KLHL18: variants seen among roughly 807,000 people sequenced by gnomAD.
The protein encoded by KLHL18 is kelch like family member 18.
Under a neutral mutation model 58.5 loss-of-function variants are expected in KLHL18, and 38 were observed. That is an observed-to-expected ratio of 0.65 (90% confidence interval 0.50 to 0.85). KLHL18 has a LOEUF of 0.85. Among genes scored for constraint, KLHL18 ranks in the 40% least tolerant of loss-of-function variants. The pLI is 0.00. For synonymous variants in KLHL18, 303 were observed against 301.9 expected (o/e 1.00, Z -0.04); for missense variants, 624 against 778.4 (o/e 0.80, Z 2.36).
At chr3:47,285,746 CAAGTA>C (rs1702661122) in intron 1 of KLHL18, among the ~76,000 whole-genome samples, 1 of 151,774 alleles carries the variant, frequency 6.6e-6, no homozygotes, top group South Asian at 2.1e-4. Flanking sequence ...TTCAAAGGGA[CAAGTA>C]AATTATCAGA....
At chr3:47,303,307 A>G (rs546982090) in intron 1 of KLHL18, among the ~76,000 whole-genome samples, 1 of 152,250 alleles carries the variant, frequency 6.6e-6, no homozygotes, top group African/African-American at 2.4e-5. Flanking sequence ...TGAGCTTTAA[A>G]GGTCCTGTGA....
At chr3:47,340,718 C>T in intron 8 of KLHL18, 42 bp downstream of exon 8, 1 of 1,610,080 alleles carries the variant, frequency 6.2e-7, no homozygotes, top group Non-Finnish European at 8.5e-7. Flanking sequence ...AGCTTATAAA[C>T]AGAGAGTATA....
intron 4 of KLHL18, among the ~76,000 whole-genome samples, 156 bp downstream of exon 4, chr3:47,330,305 A>T (rs1703826296): frequency 6.6e-6 from 1 of 152,102 alleles, no homozygotes; most frequent in Non-Finnish European, 1.5e-5. Context: ...TGCATTTTTC[A>T]TGAAAACTTT....
At chr3:47,289,847 G>C (rs1702754554) in intron 1 of KLHL18, among the ~76,000 whole-genome samples, 1 of 152,154 alleles carries the variant, frequency 6.6e-6, no homozygotes. Flanking sequence ...GTGAATGCAT[G>C]GACATAGAGT....
chr3:47,307,577 A>G (rs1259756899), intron 1 of KLHL18, among the ~76,000 whole-genome samples: 1 of 151,180 alleles, frequency 6.6e-6, no homozygotes, highest in African/African-American at 2.4e-5. Flanking sequence ...AAAAATAGAG[A>G]CAAGGTCTTG....
chr3:47,333,418 T>C, intron 5 of KLHL18, 101 bp downstream of exon 5: 2 of 1,144,544 alleles, frequency 1.7e-6, no homozygotes, highest in Non-Finnish European at 2.4e-6. Context: ...TTTAGAGTGA[T>C]CAGTCTAATT....
chr3:47,319,749 C>T lies in KLHL18; in HGVS notation c.226C>T (p.Gln76Ter). The T allele has an allele frequency of 6.2e-7, 1 of 1,613,896 alleles. No individual in the cohort carries two copies. Among genetic ancestry groups the T allele is most frequent in the Non-Finnish European group, 8.5e-7 (1 of 1,179,846 alleles). The change falls in exon 2 of 10, where the codon CAG becomes TAG. Residue 76 changes from glutamine to a stop codon, truncating the protein, a stop_gained. Coordinates refer to ENST00000232766, the MANE Select transcript of KLHL18 (RefSeq NM_025010.5). LOFTEE classifies it high-confidence loss of function. The part of the protein sequence containing the change: ...MFTNDMMECK[Q>*]DEIVMQGMDP... ...TACAAATGACATGATGGAGTGCAAG[C>T]AGGATGAGATTGTAATGCAAGGAAT...
At chr3:47,305,343 T>TG (rs1703120902) in intron 1 of KLHL18, among the ~76,000 whole-genome samples, 7 of 149,132 alleles carry the variant, frequency 4.7e-5, no homozygotes, top group African/African-American at 1.7e-4. Flanking sequence ...AGTTTTTTTT[T>TG]TTTTTTTTTT....
Position 47,330,038 on chromosome 3 carries a change from C to T in KLHL18, c.489C>T (p.Ile163=), listed in dbSNP as rs772814802. Residue 163 remains isoleucine (I), a synonymous_variant, in exon 4 of 10, where the codon ATC becomes ATT. Transcript: ENST00000232766. Reference sequence around the variant, plus strand: ...TGTACGACGCTGCCAACAGCTTCATCCACCAGCACTTTGTGGAGGTGTCCA... The same window carrying T: ...TGTACGACGCTGCCAACAGCTTCATTCACCAGCACTTTGTGGAGGTGTCCA... ...AVLYDAANSF[I]HQHFVEVSMS... is the part of the protein sequence containing the mutation. 6.2e-7 allele frequency: 1 copy of T among 1,614,080 alleles called. No individual in the cohort carries two copies. Among genetic ancestry groups the T allele is most frequent in the Non-Finnish European group, 8.5e-7 (1 of 1,179,994 alleles).
chr3:47,311,376 G>A (rs1167363346), intron 1 of KLHL18, among the ~76,000 whole-genome samples: 1 of 152,058 alleles, frequency 6.6e-6, no homozygotes, highest in Non-Finnish European at 1.5e-5. Context: ...TTTACCAAAG[G>A]AATAGTATGT....
Position 47,334,534 on chromosome 3 carries a change from C to T in KLHL18, c.762-149C>T, listed in dbSNP as rs1274826660. 2.5e-6 allele frequency: 2 copies of T among 793,848 alleles called. No homozygotes were observed. The highest frequency in any genetic ancestry group is 2.0e-6 in the Non-Finnish European group (1 of 496,828). The allele number at this position is 793,848 out of a possible 1,614,324, so 49.2% of individuals were successfully genotyped here. On this transcript the variant is annotated intron_variant, in intron 5 of 9. Coordinates refer to ENST00000232766, the MANE Select transcript of KLHL18 (RefSeq NM_025010.5). The surrounding 1 kb of genome is among the most constrained non-coding windows in gnomAD (Gnocchi z 4.7). ...AGCCATGTATGATTTTCCCAGAACTCACCTGGTTTCTTTGAGACCAGACCT... is the reference window on the plus strand; with the variant it reads ...AGCCATGTATGATTTTCCCAGAACTTACCTGGTTTCTTTGAGACCAGACCT...
At chr3:47,315,371 T>C (rs1703396725) in intron 1 of KLHL18, among the ~76,000 whole-genome samples, 1 of 152,168 alleles carries the variant, frequency 6.6e-6, no homozygotes, top group Non-Finnish European at 1.5e-5. Flanking sequence ...TCTTAGATAC[T>C]GAACCAGAGG....
At chr3:47,328,813 G>A (rs1703784610) in intron 3 of KLHL18, among the ~76,000 whole-genome samples, 1 of 152,094 alleles carries the variant, frequency 6.6e-6, no homozygotes, top group Admixed American at 6.5e-5. Flanking sequence ...AGCTGCTGCT[G>A]TTGTTTCTGC....
intron 3 of KLHL18, among the ~76,000 whole-genome samples, chr3:47,329,155 G>A (rs200232503): frequency 6.6e-6 from 1 of 150,970 alleles, no homozygotes; most frequent in Non-Finnish European, 1.5e-5. Context: ...GAAAAAAAAA[G>A]ACAAGTATAA....
At chr3:47,303,106 G>T (rs1487947078) in intron 1 of KLHL18, among the ~76,000 whole-genome samples, 1 of 152,160 alleles carries the variant, frequency 6.6e-6, no homozygotes, top group Non-Finnish European at 1.5e-5. Flanking sequence ...ATCCCGTGAC[G>T]TCATGTACAA....
At position 47,342,847 on chromosome 3, in the gene KLHL18, C is replaced by T. The variant is rs1236412681; in HGVS notation, c.1338+17C>T. On this transcript the variant is annotated intron_variant, in intron 9 of 9. Coordinates refer to ENST00000232766, the MANE Select transcript of KLHL18 (RefSeq NM_025010.5). ...TTCAGCAGTGTGAGTCTGGGCTCCC[C>T]CTGGGATAAGGGTACCTACTTCTGT... The T allele has an allele frequency of 1.3e-6, 2 of 1,563,938 alleles. No homozygotes were observed. The highest frequency in any genetic ancestry group is 1.7e-5 in the Admixed American group (1 of 59,916).
rs1703943615 is a variant in KLHL18, at chr3:47,334,674, T to C, written c.762-9T>C. ...ACCTCCTGTTCTAGCATCTTCCACC[T>C]TATTCTAGGGACCTGGTAGACGAAG... On this transcript the variant is annotated splice_polypyrimidine_tract_variant and intron_variant, in intron 5 of 9. Coordinates refer to ENST00000232766, the MANE Select transcript of KLHL18 (RefSeq NM_025010.5). This position sits in a 1 kb window ranked among gnomAD's most constrained non-coding sequence, Gnocchi z 4.7. The C allele has an allele frequency of 6.2e-7, 1 of 1,614,044 alleles. No individual in the cohort carries two copies. The highest frequency in any genetic ancestry group is 1.3e-5 in the African/African-American group (1 of 75,036).
At chr3:47,292,487 G>A (rs1328836194) in intron 1 of KLHL18, among the ~76,000 whole-genome samples, 13 of 150,596 alleles carry the variant, frequency 8.6e-5, no homozygotes, top group Non-Finnish European at 1.8e-4. Flanking sequence ...AAAAAAAAAA[G>A]CTTTCAAAAA....
chr3:47,330,373 C>G (rs1703828621), intron 4 of KLHL18, among the ~76,000 whole-genome samples: 1 of 152,136 alleles, frequency 6.6e-6, no homozygotes, highest in Non-Finnish European at 1.5e-5. Flanking sequence ...GGCTGGAGTG[C>G]AGTAGCAAGA....
Sources: allele counts gnomAD v4.1 joint callset (sites outside exome capture counted in the v4.1 genomes callset), GRCh38; gene constraint gnomAD v4.1.1; non-coding constraint Gnocchi (gnomAD v3.1); transcripts MANE v1.5; gene names NCBI Gene and HGNC (gene_info 2026-07-23, HGNC 2026-07-21).